Variants in MGAT4C observed in about 807,000 individuals in gnomAD.
MGAT4C encodes alpha-1,3-mannosyl-glycoprotein 4-beta-N-acetylglucosaminyltransferase C.
A neutral mutation model predicts 40.1 loss-of-function variants in MGAT4C; 19 were observed. That is an observed-to-expected ratio of 0.47 (90% confidence interval 0.33 to 0.70). The LOEUF (loss-of-function observed/expected upper bound fraction) is 0.70. Among genes scored for constraint, MGAT4C ranks in the 30% least tolerant of loss-of-function variants. The pLI is 0.02. For missense variants in MGAT4C, 491 were observed against 563.2 expected, an observed-to-expected ratio of 0.87 and a Z score of 1.30; for synonymous variants, 181 against 187.1, an observed-to-expected ratio of 0.97 and a Z score of 0.27.
At chr12:86,417,244 A>G (rs1201342216) in intron 3 of MGAT4C, among the ~76,000 whole-genome samples, 3 of 152,094 alleles carry the variant, frequency 2.0e-5, no homozygotes, top group African/African-American at 7.2e-5. Flanking sequence ...GCACATTCCT[A>G]TCTTAAAATA....
intron 1 of MGAT4C, among the ~76,000 whole-genome samples, chr12:86,087,938 A>C (rs1296857783): frequency 2.0e-5 from 3 of 152,084 alleles, no homozygotes; most frequent in Admixed American, 6.6e-5. Context: ...AACCCTAAGC[A>C]AAAAGAACAA....
chr12:86,258,422 TG>T (rs1455253018), upstream of MGAT4C, among the ~76,000 whole-genome samples: 1 of 152,084 alleles, frequency 6.6e-6, no homozygotes, highest in Non-Finnish European at 1.5e-5. Context: ...GTTTTGCATT[TG>T]TTTGGGTGAC....
intron 1 of MGAT4C, among the ~76,000 whole-genome samples, chr12:86,817,119 A>T (rs1398122617): frequency 6.6e-6 from 1 of 150,750 alleles, no homozygotes; most frequent in Non-Finnish European, 1.5e-5. Context: ...ATTTTCAAAC[A>T]TTCTTTTTTC....
intron 2 of MGAT4C, among the ~76,000 whole-genome samples, chr12:86,668,347 G>A (rs1311668669): frequency 6.6e-6 from 1 of 152,146 alleles, no homozygotes; most frequent in South Asian, 2.1e-4. Flanking sequence ...AAAAGTTAGT[G>A]AAGTCCCAGT....
chr12:86,597,726 T>C (rs191990512), intron 2 of MGAT4C, among the ~76,000 whole-genome samples: 1 of 152,250 alleles, frequency 6.6e-6, no homozygotes, highest in South Asian at 2.1e-4. Flanking sequence ...AGTCTCTATA[T>C]CCTGATGATT....
At chr12:86,423,634 T>C (rs1301410780) in intron 3 of MGAT4C, among the ~76,000 whole-genome samples, 1 of 152,128 alleles carries the variant, frequency 6.6e-6, no homozygotes, top group Non-Finnish European at 1.5e-5. Context: ...TTAAGTTTAA[T>C]GATACTGGAA....
intron 4 of MGAT4C, among the ~76,000 whole-genome samples, chr12:86,291,234 A>T (rs1201305786): frequency 6.6e-6 from 1 of 152,228 alleles, no homozygotes; most frequent in African/African-American, 2.4e-5. Context: ...AAGTTCTTAA[A>T]AGATTTATAT....
chr12:86,248,247 C>T (rs1952124948), intron 1 of MGAT4C, among the ~76,000 whole-genome samples: 1 of 138,752 alleles, frequency 7.2e-6, no homozygotes, highest in Admixed American at 7.2e-5. Flanking sequence ...TCCTTCCTTC[C>T]TTCTCTCAGG....
intron 2 of MGAT4C, among the ~76,000 whole-genome samples, chr12:86,025,882 A>G (rs1284055357): frequency 1.3e-5 from 2 of 151,820 alleles, no homozygotes; most frequent in African/African-American, 4.8e-5. Context: ...TCAAACAGTG[A>G]AAGTAATTAA....
intron 2 of MGAT4C, among the ~76,000 whole-genome samples, chr12:86,679,203 T>G (rs1949932125): frequency 6.6e-6 from 1 of 152,200 alleles, no homozygotes; most frequent in Admixed American, 6.6e-5. Context: ...TTTTTTCATG[T>G]GTTTTTTGGC....
At chr12:86,138,172 C>A (rs914590779) in intron 1 of MGAT4C, among the ~76,000 whole-genome samples, 1 of 151,980 alleles carries the variant, frequency 6.6e-6, no homozygotes, top group East Asian at 1.9e-4. Context: ...CCTTGCTTTC[C>A]GCTACCAGCT....
At chr12:86,521,265 C>T (rs533984636) in intron 2 of MGAT4C, among the ~76,000 whole-genome samples, 1 of 151,862 alleles carries the variant, frequency 6.6e-6, no homozygotes, top group African/African-American at 2.4e-5. Flanking sequence ...AAGAAAGGGG[C>T]CGACTTTCAA....
At chr12:86,153,202 G>A (rs1884508696) in intron 1 of MGAT4C, among the ~76,000 whole-genome samples, 1 of 152,088 alleles carries the variant, frequency 6.6e-6, no homozygotes, top group Non-Finnish European at 1.5e-5. Flanking sequence ...AACCCAACAA[G>A]TACATGGCCT....
At chr12:86,015,730 C>T (rs1343611704) in intron 2 of MGAT4C, 7 of 152,198 alleles carry the variant, frequency 4.6e-5, no homozygotes, top group East Asian at 3.9e-4. Context: ...TGATTTTTAA[C>T]GACCTTAAAG....
intron 1 of MGAT4C, among the ~76,000 whole-genome samples, chr12:86,172,133 G>A (rs529895978): frequency 2.0e-5 from 3 of 152,212 alleles, no homozygotes; most frequent in African/African-American, 7.2e-5. Context: ...ATTGAATGAA[G>A]TAATATGAGT....
At chr12:86,390,511 A>G (rs1956144006) in intron 3 of MGAT4C, among the ~76,000 whole-genome samples, 1 of 152,178 alleles carries the variant, frequency 6.6e-6, no homozygotes, top group African/African-American at 2.4e-5. Flanking sequence ...AACATTTAAA[A>G]GAAAATAATA....
intron 4 of MGAT4C, among the ~76,000 whole-genome samples, chr12:86,294,469 C>T (rs184320329): frequency 6.6e-5 from 10 of 152,172 alleles, no homozygotes; most frequent in East Asian, 5.8e-4. Context: ...TCTTCGATTG[C>T]GCTTGTTCTC....
At chr12:86,270,827 G>A (rs1458643658) in intron 4 of MGAT4C, among the ~76,000 whole-genome samples, 24 of 152,072 alleles carry the variant, frequency 1.6e-4, no homozygotes, top group Non-Finnish European at 1.5e-5. Flanking sequence ...ATACACACAT[G>A]GAACAATGAA....
chr12:86,110,789 T>C (rs1238845395), intron 1 of MGAT4C, among the ~76,000 whole-genome samples: 1 of 151,716 alleles, frequency 6.6e-6, no homozygotes, highest in Admixed American at 6.6e-5. Context: ...GAATTACAGT[T>C]ACATTACTAT....
Sources: gnomAD v4.1 joint callset for allele counts (sites outside exome capture counted in the v4.1 genomes callset) on GRCh38, gnomAD v4.1.1 for gene constraint, MANE v1.5 for transcripts, NCBI Gene and HGNC (gene_info 2026-07-23, HGNC 2026-07-21) for gene names.